Variants in PPARG observed in about 807,000 individuals in gnomAD.
The protein encoded by PPARG is peroxisome proliferator activated receptor gamma, also known as peroxisome proliferator-activated receptor gamma.
PPARG carries 17 observed loss-of-function variants against 39.2 expected under a neutral mutation model. That is an observed-to-expected ratio of 0.43 (90% CI 0.30 to 0.65). The LOEUF (loss-of-function observed/expected upper bound fraction) is 0.65, where lower values mean the gene tolerates loss of function less well. Ranked by LOEUF, PPARG falls within the 30% of genes least tolerant of loss-of-function variation. The pLI, the probability that PPARG is intolerant of heterozygous loss-of-function variation, is 0.13. For missense variants in PPARG, 406 were observed against 585.9 expected, an observed-to-expected ratio of 0.69 and a Z score of 3.17; for synonymous variants, 223 against 215.7, an observed-to-expected ratio of 1.03 and a Z score of -0.30.
intron 1 of PPARG, among the ~76,000 whole-genome samples, chr3:12,302,179 A>G (rs2046943476): frequency 6.6e-6 from 1 of 152,224 alleles, no homozygotes. Context: ...GAAAGTGGGA[A>G]TTGAACTAAA....
chr3:12,425,714 G>C (rs959469671), intron 7 of PPARG, among the ~76,000 whole-genome samples: 1 of 152,172 alleles, frequency 6.6e-6, no homozygotes, highest in East Asian at 1.9e-4. Flanking sequence ...CTAGGCTTAA[G>C]GGGGGACTGC....
chr3:12,393,910 G>C (rs940868802), intron 5 of PPARG, among the ~76,000 whole-genome samples: 5 of 152,152 alleles, frequency 3.3e-5, no homozygotes, highest in Non-Finnish European at 5.9e-5. Context: ...TAATGGGTCA[G>C]TTCCTCTAAA....
rs564323696 is a variant in PPARG at position 12,421,176 on chromosome 3, C to A, written c.1180+4022C>A. On this transcript the variant is annotated intron_variant, in intron 7 of 7. Transcript: ENST00000651735. ...TGGGTGTCCTAACTGTCCCCTCTGG[C>A]CCTGGCCAGTGGACTGTGGTCAGCA... is the stretch of plus-strand genomic sequence containing the variant. Among the ~76,000 whole-genome samples the A allele has an allele frequency of 3.3e-5, 5 of 152,338 alleles. No homozygotes were observed. The South Asian group carries it at 1.0e-3, about 32-fold the overall frequency.
At chr3:12,338,554 A>G (rs1457760112) in intron 2 of PPARG, among the ~76,000 whole-genome samples, 1 of 152,226 alleles carries the variant, frequency 6.6e-6, no homozygotes, top group Non-Finnish European at 1.5e-5. Flanking sequence ...GCTCTTATAT[A>G]TTTACACAAC....
chr3:12,302,963 G>C (rs1226500747), intron 1 of PPARG, among the ~76,000 whole-genome samples: 1 of 152,186 alleles, frequency 6.6e-6, no homozygotes, highest in Non-Finnish European at 1.5e-5. Context: ...AGTGTGGTCC[G>C]TGGCTTGATG....
At chr3:12,288,246 C>CGCGG (rs1402650618), upstream of PPARG, among the ~76,000 whole-genome samples, 2 of 151,634 alleles carry the variant, frequency 1.3e-5, no homozygotes, top group Admixed American at 6.6e-5. Flanking sequence ...ACTGACGGGT[C>CGCGG]GCGGGCGGGC....
intron 2 of PPARG, among the ~76,000 whole-genome samples, chr3:12,326,450 T>C (rs941181504): frequency 3.3e-5 from 5 of 152,248 alleles, no homozygotes; most frequent in African/African-American, 9.6e-5. Context: ...TGTTCTCAAA[T>C]GAGAAAATTG....
chr3:12,343,621 C>T (rs1365279584), intron 2 of PPARG, among the ~76,000 whole-genome samples: 1 of 152,176 alleles, frequency 6.6e-6, no homozygotes, highest in East Asian at 1.9e-4. Context: ...TTGCACTTCT[C>T]TCAAACCACC....
chr3:12,292,261 C>CT (rs1265272356), intron 1 of PPARG, among the ~76,000 whole-genome samples: 1 of 152,188 alleles, frequency 6.6e-6, no homozygotes, highest in Non-Finnish European at 1.5e-5. Flanking sequence ...TGTAGCCCCT[C>CT]TTATGTTAAT....
intron 2 of PPARG, among the ~76,000 whole-genome samples, chr3:12,377,432 C>A (rs111651579): frequency 6.6e-6 from 1 of 151,984 alleles, no homozygotes; most frequent in Non-Finnish European, 1.5e-5. Context: ...AAACTTTCTC[C>A]GCTTTAAGAA....
At chr3:12,311,130 G>T (rs1271747607) in intron 1 of PPARG, among the ~76,000 whole-genome samples, 2 of 152,026 alleles carry the variant, frequency 1.3e-5, no homozygotes, top group African/African-American at 2.4e-5. Context: ...TTGAGACAGG[G>T]TCTCACTCTG....
At chr3:12,310,710 G>T (rs1462797078) in intron 1 of PPARG, among the ~76,000 whole-genome samples, 2 of 76,196 alleles carry the variant, frequency 2.6e-5, no homozygotes, top group African/African-American at 9.1e-5. Flanking sequence ...TGATCCGCCC[G>T]CCTCGGCCTC....
intron 2 of PPARG, among the ~76,000 whole-genome samples, chr3:12,361,243 A>G (rs1237595773): frequency 6.6e-6 from 1 of 152,152 alleles, no homozygotes; most frequent in Non-Finnish European, 1.5e-5. Flanking sequence ...CCATTTTTAT[A>G]TTGAGTACTT....
intron 6 of PPARG, among the ~76,000 whole-genome samples, chr3:12,415,953 A>T (rs1417829634): frequency 6.6e-6 from 1 of 152,250 alleles, no homozygotes; most frequent in Non-Finnish European, 1.5e-5. Flanking sequence ...AAATTTTTTT[A>T]AACCTGTAGT....
At chr3:12,351,811 C>G (rs761865005) in intron 2 of PPARG, 2 of 734,498 alleles carry the variant, frequency 2.7e-6, no homozygotes, top group Non-Finnish European at 4.9e-6. Flanking sequence ...TAATGCTTAG[C>G]TCGTTGCTAT....
At chr3:12,374,209 G>A (rs1013499480) in intron 2 of PPARG, among the ~76,000 whole-genome samples, 9 of 152,158 alleles carry the variant, frequency 5.9e-5, no homozygotes, top group African/African-American at 2.2e-4. Flanking sequence ...TGGAGGAAGG[G>A]AGGAATGAAT....
chr3:12,334,738 C>T (rs1449383125), intron 2 of PPARG, among the ~76,000 whole-genome samples: 2 of 152,124 alleles, frequency 1.3e-5, no homozygotes, highest in Non-Finnish European at 2.9e-5. Flanking sequence ...ACTTTTTAGT[C>T]AAAGCCCCCC....
chr3:12,329,614 CATT>C (rs1055927326), intron 2 of PPARG, among the ~76,000 whole-genome samples: 2 of 151,902 alleles, frequency 1.3e-5, no homozygotes, highest in African/African-American at 4.8e-5. Context: ...CCCATTCTAT[CATT>C]TTTTTTTATT....
chr3:12,434,167 C>A lies in PPARG; in HGVS notation c.*22C>A. On this transcript the variant is annotated 3_prime_UTR_variant, in exon 8 of 8. Transcript: ENST00000651735. This position sits in a 1 kb window ranked among gnomAD's most constrained non-coding sequence, Gnocchi z 4.2. ...CTAGCAGAGAGTCCTGAGCCACTGC[C>A]AACATTTCCCTTCTTCCAGTTGCAC... is the stretch of plus-strand genomic sequence containing the variant. The A allele has an allele frequency of 6.2e-7, 1 of 1,614,078 alleles. No homozygotes were observed. Among genetic ancestry groups the A allele is most frequent in the South Asian group, 1.1e-5 (1 of 91,050 alleles).
Sources: gnomAD v4.1 joint callset for allele counts (sites outside exome capture counted in the v4.1 genomes callset) on GRCh38, gnomAD v4.1.1 for gene constraint, Gnocchi (gnomAD v3.1) non-coding constraint, MANE v1.5 for transcripts, NCBI Gene and HGNC (gene_info 2026-07-23, HGNC 2026-07-21) for gene names.